Variants in CD55 observed in about 807,000 individuals in gnomAD.
CD55 encodes complement decay-accelerating factor.
A neutral mutation model predicts 45.8 loss-of-function variants in CD55; 41 were observed. The ratio of observed to expected loss-of-function variants is 0.90; its 90% confidence interval spans 0.70 to 1.16. The LOEUF (loss-of-function observed/expected upper bound fraction) is 1.16, where lower values mean the gene tolerates loss of function less well. Ranked by LOEUF, CD55 falls within the 50% of genes most tolerant of loss-of-function variation. The pLI is 0.00. For missense variants in CD55, 416 were observed against 469.8 expected (o/e 0.89, Z 1.06); for synonymous variants, 181 against 181.1 (o/e 1.00, Z 0.01).
At chr1:207,331,035 A>AT in intron 5 of CD55, 73 bp from the exon 6 acceptor site, 1 of 1,076,974 alleles carries the variant, frequency 9.3e-7, no homozygotes, top group Non-Finnish European at 1.4e-6. Flanking sequence ...AATCTTTAAC[A>AT]TGTTTTGATC....
intron 6 of CD55, among the ~76,000 whole-genome samples, chr1:207,333,755 A>G (rs1655049679): frequency 1.4e-5 from 2 of 143,622 alleles, no homozygotes; most frequent in African/African-American, 6.0e-5. Context: ...TAAGAACACA[A>G]TAGATAGGTT....
At chr1:207,347,267 T>G (rs1655679450) in intron 9 of CD55, 1 of 375,898 alleles carries the variant, frequency 2.7e-6, no homozygotes, top group Non-Finnish European at 5.4e-6. Context: ...GTAAACACAT[T>G]TTTTTTTTTT....
chr1:207,331,667 A>C (rs922946944), intron 6 of CD55, among the ~76,000 whole-genome samples: 1 of 152,214 alleles, frequency 6.6e-6, no homozygotes, highest in East Asian at 1.9e-4. Context: ...AAGGCTCTAG[A>C]TAGTGATCAT....
At chr1:207,322,686 A>T (rs1654478629) in intron 2 of CD55, 119 bp downstream of exon 2, 2 of 859,964 alleles carry the variant, frequency 2.3e-6, no homozygotes, top group Non-Finnish European at 3.5e-6. Context: ...ACCCCAGGGT[A>T]TACCCTGTTG....
chr1:207,330,169 C>T (rs894784589), intron 5 of CD55, among the ~76,000 whole-genome samples: 1 of 152,162 alleles, frequency 6.6e-6, no homozygotes, highest in African/African-American at 2.4e-5. Flanking sequence ...TGTGTCTCTG[C>T]ACACTCTAAG....
chr1:207,339,427 G>A lies in CD55; in HGVS notation c.1081+10G>A, dbSNP rs770202881. On this transcript the variant is annotated intron_variant, in intron 9 of 9. Coordinates refer to ENST00000367064, the MANE Select transcript of CD55 (RefSeq NM_000574.5). ...ACCCGTCTTCTATCTGGTAAGTTTG[G>A]CTCTCAGGCCATTAAAAGAAATTGT... 1 of 1,601,766 alleles carries A rather than the reference G, an allele frequency of 6.2e-7. No individual in the cohort carries two copies. Among genetic ancestry groups the A allele is most frequent in the South Asian group, 1.1e-5 (1 of 89,200 alleles).
intron 8 of CD55, among the ~76,000 whole-genome samples, chr1:207,338,195 T>A (rs750454073): frequency 6.6e-6 from 1 of 152,208 alleles, no homozygotes; most frequent in Non-Finnish European, 1.5e-5. Context: ...ATTCTTATAC[T>A]CCATGTTTCC....
chr1:207,324,789 GT>G, intron 3 of CD55, 39 bp downstream of exon 3: 1 of 1,304,364 alleles, frequency 7.7e-7, no homozygotes, highest in South Asian at 1.3e-5. Context: ...ACCATCTGGT[GT>G]TTGGGGGAAA....
intron 6 of CD55, among the ~76,000 whole-genome samples, chr1:207,335,147 A>G (rs1354942): frequency 0.27 from 40,924 of 150,908 alleles, 6,187 homozygotes; most frequent in East Asian, 0.57. Flanking sequence ...TATATGTAGC[A>G]AAAATGGACA....
intron 2 of CD55, among the ~76,000 whole-genome samples, chr1:207,323,708 TTAAC>T (rs1372082353): frequency 6.6e-6 from 1 of 152,178 alleles, no homozygotes. Context: ...GAAATAGGCT[TTAAC>T]TTTTTATTTT....
rs573901591 is a variant in CD55 at position 207,341,708 on chromosome 1, C to T, written c.1081+2291C>T. Among the ~76,000 whole-genome samples the T allele has an allele frequency of 3.8e-4, 58 of 151,130 alleles. 1 individual carries two copies. Among genetic ancestry groups the T allele is most frequent in the Middle Eastern group, 6.8e-3 (2 of 292 alleles). Reference sequence around the variant, plus strand: ...TGATGCTGCCAGCTTTGTTTTTGCTCGGGTTGTGTTAGCTCTTTGGACTCT... The same window carrying T: ...TGATGCTGCCAGCTTTGTTTTTGCTTGGGTTGTGTTAGCTCTTTGGACTCT... On this transcript the variant is annotated intron_variant, in intron 9 of 9. Transcript: ENST00000367064.
In CD55 at chr1:207,329,639, TCTCA is replaced by T. The variant is rs761587156; in HGVS notation, c.665-1465_665-1462del. ...TTCTTTTTTTTAAATTGAGACAGGG[TCTCA>T]CTCTGTTGCCCAGGCTGAAGTGCAG... On this transcript the variant is annotated intron_variant, in intron 5 of 9. Coordinates refer to ENST00000367064, the MANE Select transcript of CD55 (RefSeq NM_000574.5). 1.8e-4 allele frequency among the ~76,000 whole-genome samples: 27 copies of T among 152,116 alleles called. No individual in the cohort carries two copies. In the South Asian group the frequency reaches 4.8e-3, roughly 27 times the overall value.
intron 9 of CD55, among the ~76,000 whole-genome samples, chr1:207,348,786 A>T (rs188513417): frequency 1.3e-5 from 2 of 152,170 alleles, no homozygotes; most frequent in Non-Finnish European, 1.5e-5. Flanking sequence ...TCTTCTGCAT[A>T]TGGCTAGCCA....
intron 6 of CD55, among the ~76,000 whole-genome samples, chr1:207,332,801 A>G (rs1652578806): frequency 6.6e-6 from 1 of 152,180 alleles, no homozygotes; most frequent in Non-Finnish European, 1.5e-5. Context: ...TTAAGGCATA[A>G]GATACAGCTG....
chr1:207,350,249 G>T, intron 9 of CD55: 1 of 339,634 alleles, frequency 2.9e-6, no homozygotes, highest in East Asian at 1.1e-4. Context: ...ATGTGCTGCT[G>T]GATTTGATCT....
At position 207,359,553 on chromosome 1, in the gene CD55, G is replaced by C. The variant is rs767750936; in HGVS notation, c.1089G>C (p.Thr363=). 2.7e-6 allele frequency: 4 copies of C among 1,499,372 alleles called. No individual in the cohort carries two copies. The East Asian group carries it at 9.7e-5, about 36-fold the overall frequency. 92.9% of individuals were successfully genotyped at this position (1,499,372 alleles called of 1,614,324 possible). The change falls in exon 10 of 10, where the codon ACG becomes ACC. Residue 363 remains threonine (T), a synonymous_variant. Transcript: ENST00000367064. ...TTTTTTTTTAATTTTCAGGGCACAC[G>C]TGTTTCACGTTGACAGGTTTGCTTG... The part of the protein sequence containing the change: ...SGTTRLLSGH[T]CFTLTGLLGT...
At chr1:207,342,755 T>C (rs1056477868) in intron 9 of CD55, among the ~76,000 whole-genome samples, 1 of 152,148 alleles carries the variant, frequency 6.6e-6, no homozygotes, top group African/African-American at 2.4e-5. Context: ...TTTTTTGGAA[T>C]TGTTTCAGGA....
Position 207,321,694 on chromosome 1 carries a change from G to C in CD55, c.-72G>C, listed in dbSNP as rs954959830. ...ACGAGGCTTCTGCTTACTGCAACTC[G>C]CTCCGGCCGCTGGGCGTAGCTGCGA... On this transcript the variant is annotated 5_prime_UTR_variant, in exon 1 of 10. Coordinates refer to ENST00000367064, the MANE Select transcript of CD55 (RefSeq NM_000574.5). 3 of 1,171,876 alleles carry C rather than the reference G, an allele frequency of 2.6e-6. No individual in the cohort carries two copies. Among genetic ancestry groups the C allele is most frequent in the East Asian group, 2.8e-5 (1 of 35,720 alleles). The allele number at this position is 1,171,876 out of a possible 1,614,324, so 72.6% of individuals were successfully genotyped here. A position where few individuals can be genotyped will look rare whatever the true frequency, so the allele number is the denominator to read the frequency against.
intron 9 of CD55, among the ~76,000 whole-genome samples, chr1:207,354,610 ATACT>A (rs1656008739): frequency 6.6e-6 from 1 of 152,176 alleles, no homozygotes; most frequent in Non-Finnish European, 1.5e-5. Context: ...TCATTATTTC[ATACT>A]TTCATTTTTC....
Sources: allele counts gnomAD v4.1 joint callset (sites outside exome capture counted in the v4.1 genomes callset), GRCh38; gene constraint gnomAD v4.1.1; transcripts MANE v1.5; gene names NCBI Gene and HGNC (gene_info 2026-07-23, HGNC 2026-07-21).